KCNC1: variants seen among roughly 807,000 people sequenced by gnomAD.
KCNC1 encodes the protein potassium voltage-gated channel subfamily C member 1, also known as voltage-gated potassium channel KCNC1.
In KCNC1, 8 loss-of-function variants were observed where a neutral mutation model predicts 43.4. That is an observed-to-expected ratio of 0.18 (90% CI 0.11 to 0.33). KCNC1 has a LOEUF of 0.33. Among genes scored for constraint, KCNC1 ranks in the 10% least tolerant of loss-of-function variants. The probability of loss-of-function intolerance (pLI) is 1.00; values close to 1 mark genes in which losing one functional copy is unlikely to be tolerated. For missense variants in KCNC1, 420 were observed against 836.0 expected (o/e 0.50, Z 6.14); for synonymous variants, 361 against 360.5 (o/e 1.00, Z -0.01).
At position 17,736,689 on chromosome 11, in the gene KCNC1, T is replaced by A. The variant is rs1590089245; in HGVS notation, c.570+117T>A. 6.4e-6 allele frequency: 9 copies of A among 1,411,836 alleles called. No homozygotes were observed. The highest frequency in any genetic ancestry group is 8.3e-6 in the Non-Finnish European group (9 of 1,080,274). The allele number at this position is 1,411,836 out of a possible 1,614,324, so 87.5% of individuals were successfully genotyped here. A position where few individuals can be genotyped will look rare whatever the true frequency, so the allele number is the denominator to read the frequency against. On this transcript the variant is annotated intron_variant, in intron 1 of 3. Transcript: ENST00000265969. This position sits in a 1 kb window ranked among gnomAD's most constrained non-coding sequence, Gnocchi z 9.3. ...TAGGGAGTTCAGAATCGAAAGGGGG[T>A]GTGTGCGCATGTGTGCACGTACCAG... is the stretch of plus-strand genomic sequence containing the variant.
At chr11:17,772,772 G>T in intron 2 of KCNC1, 174 bp downstream of exon 2, 1 of 1,484,196 alleles carries the variant, frequency 6.7e-7, no homozygotes, top group Non-Finnish European at 8.9e-7. Context: ...GCCAAATTCA[G>T]CAGGCAAGAG....
chr11:17,759,660 G>A (rs1378588938), intron 1 of KCNC1, among the ~76,000 whole-genome samples: 1 of 152,102 alleles, frequency 6.6e-6, no homozygotes, highest in Admixed American at 6.5e-5. Context: ...GAATAGAGAT[G>A]CCTGAGGAGA....
intron 1 of KCNC1, among the ~76,000 whole-genome samples, chr11:17,760,848 C>T (rs1030780617): frequency 5.3e-5 from 8 of 152,216 alleles, no homozygotes; most frequent in East Asian, 1.9e-4. Flanking sequence ...ATGATAACAC[C>T]GCACTGGGCT....
chr11:17,740,608 A>T (rs1018637247), intron 1 of KCNC1, among the ~76,000 whole-genome samples: 1 of 152,092 alleles, frequency 6.6e-6, no homozygotes, highest in African/African-American at 2.4e-5. Context: ...ATCAGGGCCA[A>T]TGGTGGTCCT....
intron 1 of KCNC1, among the ~76,000 whole-genome samples, chr11:17,770,866 G>A (rs75602361): frequency 0.012 from 1,838 of 152,210 alleles, 18 homozygotes; most frequent in Middle Eastern, 0.041. Context: ...ATGGATTATG[G>A]TGCCTTTGGG....
chr11:17,751,266 C>T (rs77979332), intron 1 of KCNC1, among the ~76,000 whole-genome samples: 17,162 of 152,054 alleles, frequency 0.11, 1,213 homozygotes, highest in Non-Finnish European at 0.16. Flanking sequence ...TGGGAGAGAC[C>T]GACGAGTAAT....
rs35211986 is a variant in KCNC1, at chr11:17,739,362, CGTGTGTGTGTGTGTGTGTGT to C, written c.570+2808_570+2827del. Among the ~76,000 whole-genome samples the C allele has an allele frequency of 4.0e-5, 6 of 149,476 alleles. No individual in the cohort carries two copies. Among genetic ancestry groups the C allele is most frequent in the South Asian group, 4.2e-4 (2 of 4,720 alleles). On this transcript the variant is annotated intron_variant, in intron 1 of 3. Coordinates refer to ENST00000265969, the MANE Select transcript of KCNC1 (RefSeq NM_001112741.2). The surrounding 1 kb of genome is among the most constrained non-coding windows in gnomAD (Gnocchi z 4.2). ...GTGAGAATAAATGTGAGACTCCAGG[CGTGTGTGTGTGTGTGTGTGT>C]GTGTGTGTGTGTGTGTGGTGAGACT...
chr11:17,754,361 C>T (rs1054869394), intron 1 of KCNC1, among the ~76,000 whole-genome samples: 9 of 152,160 alleles, frequency 5.9e-5, no homozygotes, highest in Admixed American at 1.3e-4. Flanking sequence ...GTAGCGCTTC[C>T]GTTACTGTGG....
chr11:17,736,276 G>A lies in KCNC1; in HGVS notation c.274G>A (p.Ala92Thr). 1 of 1,613,590 alleles carries A rather than the reference G, an allele frequency of 6.2e-7. No individual in the cohort carries two copies. The highest frequency in any genetic ancestry group is 2.2e-5 in the East Asian group (1 of 44,882). The change falls in exon 1 of 4, where the codon GCC (alanine) becomes ACC (threonine). Residue 92 changes from alanine (A) to threonine (T), a missense_variant. Transcript: ENST00000265969. The surrounding 1 kb of genome is among the most constrained non-coding windows in gnomAD (Gnocchi z 9.3). ...VCGPLYEEELAFWGIDETDVE... is the reference protein window; with the variant it reads ...VCGPLYEEELTFWGIDETDVE... ...CGGGCCGCTCTACGAGGAGGAGCTG[G>A]CCTTCTGGGGCATCGACGAGACCGA...
intron 1 of KCNC1, among the ~76,000 whole-genome samples, chr11:17,737,079 G>A (rs1848776430): frequency 6.6e-6 from 1 of 152,168 alleles, no homozygotes; most frequent in Admixed American, 6.5e-5. Context: ...CCCCAAAAAG[G>A]CCTGAGGCCT....
chr11:17,739,398 T>TGG lies in KCNC1; in HGVS notation c.570+2827_570+2828dup, dbSNP rs1397934879. On this transcript the variant is annotated intron_variant, in intron 1 of 3. Coordinates refer to ENST00000265969, the MANE Select transcript of KCNC1 (RefSeq NM_001112741.2). This position sits in a 1 kb window ranked among gnomAD's most constrained non-coding sequence, Gnocchi z 4.2. ...GTGTGTGTGTGTGTGTGTGTGTGTGTGGTGAGACTGCGACTCTGTGCGAGC... is the reference window on the plus strand; with the variant it reads ...GTGTGTGTGTGTGTGTGTGTGTGTGTGGGGTGAGACTGCGACTCTGTGCGAGC... Among the ~76,000 whole-genome samples the TGG allele has an allele frequency of 5.6e-5, 7 of 125,478 alleles. No individual in the cohort carries two copies. The highest frequency in any genetic ancestry group is 1.8e-4 in the African/African-American group (6 of 33,544). 82.3% of individuals were successfully genotyped at this position (125,478 alleles called of 152,430 possible).
chr11:17,736,336 C>G lies in KCNC1; in HGVS notation c.334C>G (p.His112Asp). The change falls in exon 1 of 4, where the codon CAC becomes GAC. Residue 112 changes from histidine (H) to aspartate (D), a missense_variant. Coordinates refer to ENST00000265969, the MANE Select transcript of KCNC1 (RefSeq NM_001112741.2). This position sits in a 1 kb window ranked among gnomAD's most constrained non-coding sequence, Gnocchi z 9.3. Reference sequence around the variant, plus strand: ...CTGCTGCTGGATGACGTACCGCCAGCACCGCGACGCCGAGGAGGCTCTGGA... The same window carrying G: ...CTGCTGCTGGATGACGTACCGCCAGGACCGCGACGCCGAGGAGGCTCTGGA... The part of the protein sequence containing the change: ...EPCCWMTYRQ[H>D]RDAEEALDSF... The G allele has an allele frequency of 6.2e-7, 1 of 1,613,094 alleles. No individual in the cohort carries two copies. Among genetic ancestry groups the G allele is most frequent in the Non-Finnish European group, 8.5e-7 (1 of 1,179,854 alleles).
chr11:17,738,637 A>T (rs1307876026), intron 1 of KCNC1, among the ~76,000 whole-genome samples: 6 of 152,152 alleles, frequency 3.9e-5, no homozygotes, highest in Non-Finnish European at 7.4e-5. Flanking sequence ...CCCACTGGAC[A>T]TTCCTAGGCT....
intron 1 of KCNC1, among the ~76,000 whole-genome samples, chr11:17,756,331 A>G (rs570535672): frequency 1.6e-4 from 24 of 152,098 alleles, no homozygotes; most frequent in African/African-American, 5.8e-4. Flanking sequence ...ATAAATGTCA[A>G]TGTCCCCCTC....
chr11:17,772,641 C>G, intron 2 of KCNC1, 43 bp downstream of exon 2: 1 of 1,597,094 alleles, frequency 6.3e-7, no homozygotes. Context: ...CCTTTCACCT[C>G]TGCCCCCTGT....
Position 17,739,658 on chromosome 11 carries a change from A to G in KCNC1, c.570+3086A>G, listed in dbSNP as rs555286527. ...GGCAAGTGTGAAACTGTATATGTGG[A>G]GCTCATGTGTGAGTCTGTGTGTGTG... is the stretch of plus-strand genomic sequence containing the variant. On this transcript the variant is annotated intron_variant, in intron 1 of 3. Transcript: ENST00000265969. The surrounding 1 kb of genome is among the most constrained non-coding windows in gnomAD (Gnocchi z 4.2). Among the ~76,000 whole-genome samples, 4 of 138,238 alleles carry G rather than the reference A, an allele frequency of 2.9e-5. No homozygotes were observed. In the South Asian group the frequency reaches 9.7e-4, roughly 34 times the overall value. The allele number at this position is 138,238 out of a possible 152,430, so 90.7% of individuals were successfully genotyped here. A position where few individuals can be genotyped will look rare whatever the true frequency, so the allele number is the denominator to read the frequency against.
rs1849242210 is a variant in KCNC1, at chr11:17,772,559, C to T, written c.1465C>T (p.Pro489Ser). Residue 489 changes from proline (P) to serine (S), a missense_variant, in exon 2 of 4, where the codon CCG (proline) becomes TCG (serine). By Grantham distance (74) the Pro-to-Ser change is moderately conservative. Around this residue, in one of 5 missense-constraint regions of KCNC1, gnomAD observed 147 missense variants for 176.1 expected, o/e 0.83. Coordinates refer to ENST00000265969, the MANE Select transcript of KCNC1 (RefSeq NM_001112741.2). Reference sequence around the variant, plus strand: ...CCACAGTACTCAGAGTGACACATGTCCGCTGGCCCAGGAAGAAATTTTAGA... The same window carrying T: ...CCACAGTACTCAGAGTGACACATGTTCGCTGGCCCAGGAAGAAATTTTAGA... ...PHHSTQSDTC[P>S]LAQEEILEIN... 4 of 1,613,574 alleles carry T rather than the reference C, an allele frequency of 2.5e-6. No individual in the cohort carries two copies. The highest frequency in any genetic ancestry group is 2.5e-6 in the Non-Finnish European group (3 of 1,179,610).
At chr11:17,766,828 C>T (rs1383280800) in intron 1 of KCNC1, among the ~76,000 whole-genome samples, 1 of 151,958 alleles carries the variant, frequency 6.6e-6, no homozygotes, top group African/African-American at 2.4e-5. Context: ...ACTCCAGGAG[C>T]TTTGGCGACT....
At chr11:17,760,067 T>C (rs1053332560) in intron 1 of KCNC1, among the ~76,000 whole-genome samples, 1 of 152,224 alleles carries the variant, frequency 6.6e-6, no homozygotes, top group Non-Finnish European at 1.5e-5. Flanking sequence ...TATTCCAATC[T>C]GTGGCTTTCC....
Sources: gnomAD v4.1 joint callset for allele counts (sites outside exome capture counted in the v4.1 genomes callset) on GRCh38, gnomAD v4.1.1 for gene constraint, gnomAD v4.1.1 regional missense constraint, Gnocchi (gnomAD v3.1) non-coding constraint, MANE v1.5 for transcripts, NCBI Gene and HGNC (gene_info 2026-07-23, HGNC 2026-07-21) for gene names.